SPIDR: variants seen among roughly 807,000 people sequenced by gnomAD.
SPIDR encodes scaffold protein involved in DNA repair.
A neutral mutation model predicts 104.6 loss-of-function variants in SPIDR; 93 were observed. The observed-to-expected ratio is 0.89, with a 90% CI of 0.75 to 1.06. The LOEUF is 1.06. SPIDR is among the 50% of genes least tolerant of loss of function. SPIDR has a pLI of 0.00. For missense variants in SPIDR, 1,154 were observed against 1,111.2 expected, an observed-to-expected ratio of 1.04 and a Z score of -0.55; for synonymous variants, 431 against 416.9, an observed-to-expected ratio of 1.03 and a Z score of -0.41.
rs561245010 is a variant in SPIDR, at chr8:47,410,709, G to T, written c.877+2748G>T. On this transcript the variant is annotated intron_variant, in intron 7 of 19. Coordinates refer to ENST00000297423, the MANE Select transcript of SPIDR (RefSeq NM_001080394.4). ...GTTTTAGGGTACATGTGCACAACGT[G>T]CAGGTTTCTTACATATGTATATATG... Among the ~76,000 whole-genome samples the T allele has an allele frequency of 1.2e-4, 18 of 151,934 alleles. No individual in the cohort carries two copies. In the South Asian group the frequency reaches 2.5e-3, roughly 21 times the overall value.
At chr8:47,263,639 T>C (rs2033153078) in intron 1 of SPIDR, among the ~76,000 whole-genome samples, 2 of 152,170 alleles carry the variant, frequency 1.3e-5, no homozygotes. Context: ...AATCATCCAT[T>C]GAGGCCTACT....
intron 10 of SPIDR, among the ~76,000 whole-genome samples, chr8:47,639,377 T>G (rs1453101719): frequency 1.3e-5 from 2 of 152,232 alleles, no homozygotes. Context: ...ATTTCTAGAC[T>G]AGGTAAGTGA....
rs1396576465 is a variant in SPIDR at position 47,440,683 on chromosome 8, T to C, written c.1097+141T>C. On this transcript the variant is annotated intron_variant, in intron 8 of 19. Transcript: ENST00000297423. The stretch of plus-strand genomic sequence containing the variant: ...GAGCCAGGATTGGACGTGGGTTTTC[T>C]GTCAGAGAAGCACTGGATTGTCTCT... 6.5e-6 allele frequency: 5 copies of C among 771,314 alleles called. No homozygotes were observed. The African/African-American group carries it at 8.7e-5, about 13-fold the overall frequency. The allele number at this position is 771,314 out of a possible 1,614,324, so 47.8% of individuals were successfully genotyped here.
rs76392378 is a variant in SPIDR, at chr8:47,456,420, T to C, written c.1097+15878T>C. 8.5e-4 allele frequency among the ~76,000 whole-genome samples: 129 copies of C among 152,302 alleles called. No individual in the cohort carries two copies. In the East Asian group the frequency reaches 0.021, roughly 25 times the overall value. On this transcript the variant is annotated intron_variant, in intron 8 of 19. Transcript: ENST00000297423. ...TTTGGCTAAGTCACTCAGACTGATATTTTGTTACGATAGCTCTAGCAAACT... is the reference window on the plus strand; with the variant it reads ...TTTGGCTAAGTCACTCAGACTGATACTTTGTTACGATAGCTCTAGCAAACT...
intron 10 of SPIDR, among the ~76,000 whole-genome samples, chr8:47,622,667 G>A (rs1419687207): frequency 2.6e-5 from 4 of 152,086 alleles, no homozygotes; most frequent in Non-Finnish European, 5.9e-5. Flanking sequence ...GCACAGCATC[G>A]GCCCTGCATG....
At chr8:47,389,438 C>G (rs1554650256) in intron 5 of SPIDR, among the ~76,000 whole-genome samples, 2 of 151,896 alleles carry the variant, frequency 1.3e-5, no homozygotes, top group Non-Finnish European at 2.9e-5. Context: ...ACCTGTAATC[C>G]CAGCACTTTG....
At chr8:47,500,156 C>T (rs1346753750) in intron 8 of SPIDR, among the ~76,000 whole-genome samples, 7 of 152,030 alleles carry the variant, frequency 4.6e-5, no homozygotes, top group African/African-American at 7.2e-5. Flanking sequence ...GGGTATATAC[C>T]GAGTAATGGG....
At chr8:47,538,883 C>T in intron 8 of SPIDR, among the ~76,000 whole-genome samples, 1 of 105,456 alleles carries the variant, frequency 9.5e-6, no homozygotes, top group Admixed American at 1.4e-4. Flanking sequence ...TTTTTTGAGA[C>T]AGAGTCTCAC....
chr8:47,686,215 C>G (rs928468167), intron 11 of SPIDR, among the ~76,000 whole-genome samples: 2 of 152,156 alleles, frequency 1.3e-5, no homozygotes, highest in African/African-American at 2.4e-5. Context: ...TTCCATAGTT[C>G]TTCTTTCTTC....
intron 7 of SPIDR, among the ~76,000 whole-genome samples, chr8:47,416,110 G>A (rs2064234068): frequency 6.6e-6 from 1 of 152,172 alleles, no homozygotes. Flanking sequence ...CAGGTGTGGT[G>A]GCAGGCGCCT....
chr8:47,295,863 A>C (rs957757655), intron 5 of SPIDR, among the ~76,000 whole-genome samples: 12 of 152,224 alleles, frequency 7.9e-5, no homozygotes, highest in Admixed American at 1.3e-4. Flanking sequence ...AGAGACCTTC[A>C]TACTGTTCTC....
intron 10 of SPIDR, among the ~76,000 whole-genome samples, chr8:47,658,981 C>T (rs1444083904): frequency 6.6e-6 from 1 of 151,684 alleles, no homozygotes; most frequent in Non-Finnish European, 1.5e-5. Context: ...TTCTCAGCGC[C>T]GCACAGTGGC....
chr8:47,564,701 AG>A (rs2057551331), intron 8 of SPIDR, among the ~76,000 whole-genome samples: 1 of 151,850 alleles, frequency 6.6e-6, no homozygotes. Context: ...AAAAAAAAAA[AG>A]AATTCAGTAG....
chr8:47,558,664 G>T (rs2056668081), intron 8 of SPIDR, among the ~76,000 whole-genome samples: 1 of 151,864 alleles, frequency 6.6e-6, no homozygotes, highest in Non-Finnish European at 1.5e-5. Flanking sequence ...TTTTGAGAAG[G>T]AGTCTCGCTC....
intron 10 of SPIDR, among the ~76,000 whole-genome samples, chr8:47,626,480 A>G (rs1298350338): frequency 6.6e-6 from 1 of 152,244 alleles, no homozygotes; most frequent in Admixed American, 6.5e-5. Context: ...AATTTTCACA[A>G]CCTACTCATC....
At chr8:47,669,887 CTACTCGGGAGGCT>C (rs530707587) in intron 10 of SPIDR, among the ~76,000 whole-genome samples, 529 of 152,248 alleles carry the variant, frequency 3.5e-3, no homozygotes, top group African/African-American at 0.012. Context: ...ATAGTCCCAG[CTACTCGGGAGGCT>C]GAGGCAGGAG....
chr8:47,444,474 A>G (rs35122493), intron 8 of SPIDR, among the ~76,000 whole-genome samples: 28 of 152,152 alleles, frequency 1.8e-4, no homozygotes, highest in African/African-American at 5.8e-4. Context: ...GACTTTCCCT[A>G]TTGTCATGAG....
At chr8:47,379,777 G>A (rs2059109855) in intron 5 of SPIDR, among the ~76,000 whole-genome samples, 2 of 152,126 alleles carry the variant, frequency 1.3e-5, no homozygotes, top group Admixed American at 6.5e-5. Flanking sequence ...ATGTGCCTGC[G>A]GAGCTCTGTG....
intron 10 of SPIDR, among the ~76,000 whole-genome samples, chr8:47,627,712 C>T (rs73567597): frequency 0.018 from 2,768 of 152,142 alleles, 87 homozygotes; most frequent in African/African-American, 0.064. Flanking sequence ...GCACCCCCAT[C>T]GGTGCTCAGC....
Sources: allele counts gnomAD v4.1 joint callset (sites outside exome capture counted in the v4.1 genomes callset), GRCh38; gene constraint gnomAD v4.1.1; transcripts MANE v1.5; gene names NCBI Gene and HGNC (gene_info 2026-07-23, HGNC 2026-07-21).